Variants in NEDD4L observed in about 807,000 individuals in gnomAD.
The protein encoded by NEDD4L is E3 ubiquitin-protein ligase NEDD4-like.
In NEDD4L, 54 loss-of-function variants were observed where a neutral mutation model predicts 148.9. The observed-to-expected ratio is 0.36, with a 90% CI of 0.29 to 0.45. NEDD4L has a LOEUF of 0.45. Ranked by LOEUF, NEDD4L falls within the 20% of genes least tolerant of loss-of-function variation. The pLI, the probability that NEDD4L is intolerant of heterozygous loss-of-function variation, is 1.00. For synonymous variants in NEDD4L, 433 were observed against 440.7 expected (o/e 0.98, Z 0.22); for missense variants, 856 against 1,233.8 (o/e 0.69, Z 4.59).
chr18:58,353,613 A>G (rs2044202897), intron 18 of NEDD4L, among the ~76,000 whole-genome samples: 2 of 152,236 alleles, frequency 1.3e-5, no homozygotes, highest in South Asian at 4.1e-4. Context: ...TTTCCACAAA[A>G]TTCAGTCTGT....
At chr18:58,261,413 C>G (rs2049361702) in intron 5 of NEDD4L, among the ~76,000 whole-genome samples, 1 of 152,094 alleles carries the variant, frequency 6.6e-6, no homozygotes, top group South Asian at 2.1e-4. Flanking sequence ...AGTGTTATAT[C>G]TACAAAATTT....
intron 1 of NEDD4L, among the ~76,000 whole-genome samples, chr18:58,159,746 A>G (rs1468705296): frequency 6.6e-6 from 1 of 152,208 alleles, no homozygotes; most frequent in Admixed American, 6.5e-5. Context: ...TGTGGTCCAA[A>G]AAACGTTGGT....
chr18:58,281,882 G>A (rs1209847674), intron 5 of NEDD4L, among the ~76,000 whole-genome samples: 8 of 151,820 alleles, frequency 5.3e-5, no homozygotes, highest in East Asian at 1.9e-4. Context: ...AAAATTGGCC[G>A]GGCGTGGTGG....
At position 58,370,429 on chromosome 18, in the gene NEDD4L, T is replaced by C. The variant is rs2046706351; in HGVS notation, c.2218T>C (p.Leu740=). 1 of 1,612,474 alleles carries C rather than the reference T, an allele frequency of 6.2e-7. No individual in the cohort carries two copies. The highest frequency in any genetic ancestry group is 8.5e-7 in the Non-Finnish European group (1 of 1,178,504). Residue 740 remains leucine (L), a synonymous_variant, in exon 23 of 31, where the codon TTG becomes CTG. Coordinates refer to ENST00000400345, the MANE Select transcript of NEDD4L (RefSeq NM_001144967.3). ...CATTAGACCATTTTACAAGATGATG[T>C]TGGGAAAGCAGATAACCCTGAATGA... ...FFIRPFYKMM[L]GKQITLNDME...
intron 18 of NEDD4L, 40 bp from the exon 19 acceptor site, chr18:58,357,154 T>G: frequency 6.6e-7 from 1 of 1,520,382 alleles, no homozygotes; most frequent in Non-Finnish European, 9.0e-7. Context: ...AGATTTGAAC[T>G]AATGTTCTGA....
chr18:58,312,515 G>A (rs2057812987), intron 5 of NEDD4L, among the ~76,000 whole-genome samples: 1 of 152,126 alleles, frequency 6.6e-6, no homozygotes, highest in African/African-American at 2.4e-5. Flanking sequence ...TCCCTCCGGG[G>A]CCCACAGGCA....
intron 1 of NEDD4L, chr18:58,091,143 A>C (rs1271527310): frequency 1.3e-5 from 2 of 152,286 alleles, no homozygotes; most frequent in African/African-American, 4.8e-5. Context: ...AGAGAGAGCC[A>C]GGTTGAGCCT....
chr18:58,093,054 G>A (rs1209542318), intron 1 of NEDD4L, among the ~76,000 whole-genome samples: 2 of 151,834 alleles, frequency 1.3e-5, no homozygotes, highest in African/African-American at 4.8e-5. Flanking sequence ...TAGTAGGGAC[G>A]GAGTATTCCC....
intron 2 of NEDD4L, chr18:58,195,355 C>G: frequency 8.9e-7 from 1 of 1,126,186 alleles, no homozygotes; most frequent in South Asian, 1.5e-5. Context: ...CGAAGTTCCT[C>G]CTATAGTCAT....
At chr18:58,140,177 A>T (rs1401401809) in intron 1 of NEDD4L, among the ~76,000 whole-genome samples, 1 of 152,190 alleles carries the variant, frequency 6.6e-6, no homozygotes, top group African/African-American at 2.4e-5. Flanking sequence ...AGCTAAGGAC[A>T]GAGCGTGCAG....
Position 58,329,122 on chromosome 18 carries a change from C to G in NEDD4L, c.808C>G (p.Pro270Ala). 3 of 1,613,802 alleles carry G rather than the reference C, an allele frequency of 1.9e-6. No individual in the cohort carries two copies. The highest frequency in any genetic ancestry group is 2.5e-6 in the Non-Finnish European group (3 of 1,179,814). ...EPEPSEGGDV[P>A]EPWETISEEV... ...CGAGCCCTCGGAGGGCGGGGATGTC[C>G]CCGAGGTACGATGTCCCCAGAATGG... is the stretch of plus-strand genomic sequence containing the variant. Residue 270 changes from proline (P) to alanine (A), a missense_variant, in exon 10 of 31, where the codon CCC becomes GCC. Transcript: ENST00000400345.
intron 23 of NEDD4L, chr18:58,372,728 G>A (rs1218149589): frequency 6.4e-6 from 1 of 155,622 alleles, no homozygotes; most frequent in Non-Finnish European, 1.4e-5. Context: ...GGAGGCTGAG[G>A]CGGGAGAGTC....
intron 24 of NEDD4L, among the ~76,000 whole-genome samples, chr18:58,374,826 C>T (rs912267579): frequency 6.6e-5 from 10 of 152,124 alleles, no homozygotes; most frequent in African/African-American, 2.4e-4. Context: ...CTGTCCTGCA[C>T]CCGCTGCTTT....
At chr18:58,319,357 C>T (rs2058572697) in intron 6 of NEDD4L, among the ~76,000 whole-genome samples, 1 of 152,166 alleles carries the variant, frequency 6.6e-6, no homozygotes, top group Non-Finnish European at 1.5e-5. Flanking sequence ...GCAGTGGTTG[C>T]ATACAAGTTT....
At position 58,256,891 on chromosome 18, in the gene NEDD4L, T is replaced by A; in HGVS notation, c.297+4837T>A. ...CGGGAGTTTCCCTGCTTCAGGCCAG[T>A]GGATCTGAATGTTTGGCCGAGTTCT... On this transcript the variant is annotated intron_variant, in intron 5 of 30. Coordinates refer to ENST00000400345, the MANE Select transcript of NEDD4L (RefSeq NM_001144967.3). This position sits in a 1 kb window ranked among gnomAD's most constrained non-coding sequence, Gnocchi z 5.2. 1 of 925,444 alleles carries A rather than the reference T, an allele frequency of 1.1e-6. No individual in the cohort carries two copies. The highest frequency in any genetic ancestry group is 1.4e-6 in the Non-Finnish European group (1 of 708,638). 57.3% of individuals were successfully genotyped at this position (925,444 alleles called of 1,614,324 possible).
chr18:58,322,777 A>G (rs1432398478), intron 7 of NEDD4L, among the ~76,000 whole-genome samples: 146 of 39,268 alleles, frequency 3.7e-3, no homozygotes, highest in South Asian at 5.2e-3. Context: ...CGTGCTGTGG[A>G]TATGGGTGGG....
At chr18:58,071,231 G>A (rs1355016668) in intron 1 of NEDD4L, among the ~76,000 whole-genome samples, 2 of 152,098 alleles carry the variant, frequency 1.3e-5, no homozygotes, top group Non-Finnish European at 2.9e-5. Context: ...GATTGCTTGA[G>A]CCCAGGAGTT....
rs2046115717 is a variant in NEDD4L, at chr18:58,366,423, C to G, written c.2063+195C>G. On this transcript the variant is annotated intron_variant, in intron 21 of 30. Transcript: ENST00000400345. The surrounding 1 kb of genome is among the most constrained non-coding windows in gnomAD (Gnocchi z 4.2). ...GTGGTGAAATAGTGTACTCTGCGAA[C>G]ATCTAACATTGATTTTTTTTCTTGT... 6.6e-6 allele frequency among the ~76,000 whole-genome samples: 1 copy of G among 152,202 alleles called. No individual in the cohort carries two copies. Among genetic ancestry groups the G allele is most frequent in the African/African-American group, 2.4e-5 (1 of 41,444 alleles).
intron 26 of NEDD4L, among the ~76,000 whole-genome samples, chr18:58,386,417 A>G (rs758911415): frequency 3.9e-5 from 6 of 152,098 alleles, no homozygotes; most frequent in African/African-American, 7.2e-5. Flanking sequence ...GTTCTCTTCT[A>G]TACAGATACA....
Sources: allele counts gnomAD v4.1 joint callset (sites outside exome capture counted in the v4.1 genomes callset), GRCh38; gene constraint gnomAD v4.1.1; non-coding constraint Gnocchi (gnomAD v3.1); transcripts MANE v1.5; gene names NCBI Gene and HGNC (gene_info 2026-07-23, HGNC 2026-07-21).